GRXCR2: variants seen among roughly 807,000 people sequenced by gnomAD.
GRXCR2 encodes the protein glutaredoxin domain-containing cysteine-rich protein 2.
In GRXCR2, 23 loss-of-function variants were observed where a neutral mutation model predicts 24.8. The observed-to-expected ratio is 0.93, with a 90% CI of 0.67 to 1.32. The LOEUF (loss-of-function observed/expected upper bound fraction) is 1.32. Ranked by LOEUF, GRXCR2 falls within the 40% of genes most tolerant of loss-of-function variation. GRXCR2 has a pLI of 0.00. For synonymous variants in GRXCR2, 130 were observed against 116.1 expected, an observed-to-expected ratio of 1.12 and a Z score of -0.77; for missense variants, 315 against 303.4, an observed-to-expected ratio of 1.04 and a Z score of -0.28.
intron 2 of GRXCR2, among the ~76,000 whole-genome samples, chr5:145,916,810 T>C (rs1335956955): frequency 6.6e-6 from 1 of 152,064 alleles, no homozygotes; most frequent in Non-Finnish European, 1.5e-5. Context: ...TGACCAACCT[T>C]AGAGGGTCAT....
intron 2 of GRXCR2, among the ~76,000 whole-genome samples, chr5:145,897,065 A>T (rs1253091231): frequency 6.9e-6 from 1 of 144,834 alleles, no homozygotes; most frequent in Non-Finnish European, 1.5e-5. Flanking sequence ...GTTCTCACTC[A>T]TAGGTGGGAA....
chr5:145,930,249 T>C (rs904370395), intron 2 of GRXCR2, among the ~76,000 whole-genome samples: 3 of 152,134 alleles, frequency 2.0e-5, no homozygotes, highest in African/African-American at 7.2e-5. Flanking sequence ...CACACCCAGC[T>C]AATCTTTGTA....
intron 2 of GRXCR2, among the ~76,000 whole-genome samples, chr5:145,894,671 C>T (rs1395566049): frequency 7.9e-5 from 12 of 152,102 alleles, no homozygotes; most frequent in Admixed American, 3.3e-4. Flanking sequence ...AGTCCAGGAC[C>T]GGATGGATTC....
rs570215899 is a variant in GRXCR2, at chr5:145,926,546, G to A, written c.-70+9155C>T. On this transcript the variant is annotated intron_variant, in intron 2 of 3. Coordinates refer to the GRXCR2 transcript ENST00000639411. ...AAAGATCAGATGGTTTTAGAAATGC[G>A]GCATTATTTCTGAGGGCTCTGTTCT... 3.3e-5 allele frequency among the ~76,000 whole-genome samples: 5 copies of A among 152,110 alleles called. No individual in the cohort carries two copies. The East Asian group carries it at 5.8e-4, about 18-fold the overall frequency.
At chr5:145,919,946 G>A (rs530143484) in intron 2 of GRXCR2, among the ~76,000 whole-genome samples, 143 of 152,156 alleles carry the variant, frequency 9.4e-4, no homozygotes, top group African/African-American at 3.3e-3. Flanking sequence ...AGTCTGTTCT[G>A]GGCTGACAAA....
At chr5:145,875,535 G>A (rs574396929), upstream of GRXCR2, among the ~76,000 whole-genome samples, 4 of 151,618 alleles carry the variant, frequency 2.6e-5, no homozygotes, top group Admixed American at 1.3e-4. Context: ...GTGACAGAGC[G>A]AGACTCCATC....
chr5:145,928,736 A>G (rs952751580), intron 2 of GRXCR2, among the ~76,000 whole-genome samples: 3 of 116,022 alleles, frequency 2.6e-5, no homozygotes, highest in African/African-American at 9.9e-5. Flanking sequence ...GGAACATCAC[A>G]CACCAGGGCC....
At chr5:145,887,381 T>A (rs1262060250) in intron 2 of GRXCR2, among the ~76,000 whole-genome samples, 2 of 152,270 alleles carry the variant, frequency 1.3e-5, no homozygotes, top group Non-Finnish European at 2.9e-5. Context: ...TACTTGTCGC[T>A]ACCCTATTAG....
At chr5:145,909,878 C>A (rs1757140924) in intron 2 of GRXCR2, among the ~76,000 whole-genome samples, 1 of 152,098 alleles carries the variant, frequency 6.6e-6, no homozygotes, top group Admixed American at 6.6e-5. Context: ...ATATATTCTA[C>A]CCCCCGCCCT....
At chr5:145,922,512 G>C (rs1280997454) in intron 2 of GRXCR2, among the ~76,000 whole-genome samples, 1 of 152,160 alleles carries the variant, frequency 6.6e-6, no homozygotes, top group African/African-American at 2.4e-5. Context: ...AGGTATTTCA[G>C]TGTCATCAGG....
chr5:145,917,271 A>T (rs183313053), intron 2 of GRXCR2, among the ~76,000 whole-genome samples: 59 of 151,658 alleles, frequency 3.9e-4, no homozygotes, highest in African/African-American at 1.4e-3. Context: ...CTCAGAAAGG[A>T]AAGCAATTCT....
At chr5:145,876,552 A>G (rs1451007887), upstream of GRXCR2, among the ~76,000 whole-genome samples, 1 of 152,178 alleles carries the variant, frequency 6.6e-6, no homozygotes, top group East Asian at 1.9e-4. Context: ...ATCTTCATCT[A>G]GAAAAACCAG....
intron 2 of GRXCR2, among the ~76,000 whole-genome samples, chr5:145,929,199 C>CTATATACATATATATATATATATATA (rs1757445990): frequency 8.6e-6 from 1 of 116,508 alleles, no homozygotes; most frequent in African/African-American, 3.2e-5. Context: ...ATATTCCCCC[C>CTATATACATATATATATATATATATA]TATATATATA....
chr5:145,888,529 G>A (rs2149917848), intron 2 of GRXCR2, among the ~76,000 whole-genome samples: 2 of 152,168 alleles, frequency 1.3e-5, no homozygotes, highest in South Asian at 4.2e-4. Flanking sequence ...AGGATGCCAA[G>A]GTTTTGGCAC....
At chr5:145,904,385 C>A (rs1158268556) in intron 2 of GRXCR2, among the ~76,000 whole-genome samples, 2 of 152,166 alleles carry the variant, frequency 1.3e-5, no homozygotes, top group Non-Finnish European at 2.9e-5. Flanking sequence ...TTTCCCTAGG[C>A]CTTAATTTTA....
chr5:145,891,764 C>T (rs974958428), intron 2 of GRXCR2, among the ~76,000 whole-genome samples: 1 of 152,212 alleles, frequency 6.6e-6, no homozygotes, highest in Non-Finnish European at 1.5e-5. Flanking sequence ...ATGTCCCTGT[C>T]TGACAGCTTT....
intron 2 of GRXCR2, 85 bp downstream of exon 2, chr5:145,866,416 A>T: frequency 1.2e-6 from 1 of 834,040 alleles, no homozygotes; most frequent in Non-Finnish European, 2.0e-6. Context: ...AAAAGGTTTT[A>T]CTTAAGCAGT....
intron 2 of GRXCR2, among the ~76,000 whole-genome samples, chr5:145,890,378 C>G (rs551630656): frequency 6.6e-6 from 1 of 152,184 alleles, no homozygotes; most frequent in Non-Finnish European, 1.5e-5. Flanking sequence ...GTGTGAGCCA[C>G]TGCACCTGGC....
intron 2 of GRXCR2, among the ~76,000 whole-genome samples, chr5:145,928,374 A>G (rs1303277320): frequency 6.6e-6 from 1 of 152,122 alleles, no homozygotes; most frequent in Non-Finnish European, 1.5e-5. Context: ...AACTAGAAAT[A>G]CCATTTGACC....
Sources: gnomAD v4.1 joint callset for allele counts (sites outside exome capture counted in the v4.1 genomes callset) on GRCh38, gnomAD v4.1.1 for gene constraint, MANE v1.5 for transcripts, NCBI Gene and HGNC (gene_info 2026-07-23, HGNC 2026-07-21) for gene names.